EYA4: variants seen among roughly 807,000 people sequenced by gnomAD.
EYA4 encodes the protein EYA transcriptional coactivator and phosphatase 4.
In EYA4, 31 loss-of-function variants were observed where a neutral mutation model predicts 87.9. The ratio of observed to expected loss-of-function variants is 0.35; its 90% CI spans 0.27 to 0.48. The LOEUF (loss-of-function observed/expected upper bound fraction) is 0.48. Ranked by LOEUF, EYA4 falls within the 20% of genes least tolerant of loss-of-function variation. The probability of loss-of-function intolerance (pLI) is 0.99; values close to 1 mark genes in which losing one functional copy is unlikely to be tolerated. For synonymous variants in EYA4, 263 were observed against 270.6 expected, an observed-to-expected ratio of 0.97 and a Z score of 0.28; for missense variants, 678 against 761.4, an observed-to-expected ratio of 0.89 and a Z score of 1.29.
At chr6:133,449,819 A>G (rs1235871582) in intron 5 of EYA4, among the ~76,000 whole-genome samples, 1 of 152,222 alleles carries the variant, frequency 6.6e-6, no homozygotes, top group Non-Finnish European at 1.5e-5. Context: ...AAATGAAAAT[A>G]TGCATTGTGT....
chr6:133,257,255 C>T (rs962286013), intron 1 of EYA4, among the ~76,000 whole-genome samples: 7 of 151,980 alleles, frequency 4.6e-5, no homozygotes, highest in East Asian at 1.9e-4. Context: ...CCAATGAATA[C>T]GCTAGAGGCC....
intron 1 of EYA4, among the ~76,000 whole-genome samples, chr6:133,271,242 A>G: frequency 6.6e-6 from 1 of 152,146 alleles, no homozygotes; most frequent in Middle Eastern, 3.2e-3. Flanking sequence ...ATTGTCACCT[A>G]GTTGGCATTG....
At chr6:133,524,176 T>TAGAAAGAAGG (rs1800426908) in intron 18 of EYA4, among the ~76,000 whole-genome samples, 1 of 152,212 alleles carries the variant, frequency 6.6e-6, no homozygotes, top group Admixed American at 6.5e-5. Flanking sequence ...GCAGGACTAA[T>TAGAAAGAAGG]AGAAAGAAGG....
At chr6:133,461,806 G>A (rs911020505) in intron 7 of EYA4, among the ~76,000 whole-genome samples, 1 of 89,338 alleles carries the variant, frequency 1.1e-5, no homozygotes, top group Non-Finnish European at 2.4e-5. Flanking sequence ...AAGGAATGAT[G>A]TTCCTTTTTT....
intron 16 of EYA4, among the ~76,000 whole-genome samples, chr6:133,514,919 A>G (rs1382877285): frequency 6.6e-6 from 1 of 152,204 alleles, no homozygotes; most frequent in Non-Finnish European, 1.5e-5. Context: ...CAGACAGTCA[A>G]AACATTTGGG....
chr6:133,491,485 C>T (rs1797146614), intron 13 of EYA4, among the ~76,000 whole-genome samples: 1 of 152,154 alleles, frequency 6.6e-6, no homozygotes, highest in South Asian at 2.1e-4. Flanking sequence ...AACTATACTT[C>T]AGAAATTCCA....
intron 2 of EYA4, among the ~76,000 whole-genome samples, chr6:133,346,881 T>C (rs1237952631): frequency 2.0e-5 from 3 of 151,886 alleles, no homozygotes; most frequent in Non-Finnish European, 4.4e-5. Flanking sequence ...CAATTCTGCA[T>C]TTTATGGAAA....
intron 3 of EYA4, among the ~76,000 whole-genome samples, chr6:133,403,483 A>T (rs566755195): frequency 6.6e-6 from 1 of 152,206 alleles, no homozygotes; most frequent in Non-Finnish European, 1.5e-5. Context: ...CCACAGGGGG[A>T]AAAAATACAA....
chr6:133,285,399 G>T (rs1777972888), intron 2 of EYA4, among the ~76,000 whole-genome samples: 1 of 152,170 alleles, frequency 6.6e-6, no homozygotes, highest in Non-Finnish European at 1.5e-5. Flanking sequence ...TGAGGTGGTA[G>T]CATGCAGGGT....
chr6:133,368,613 T>C (rs1253041915), intron 2 of EYA4, among the ~76,000 whole-genome samples: 1 of 152,218 alleles, frequency 6.6e-6, no homozygotes, highest in African/African-American at 2.4e-5. Flanking sequence ...ATCCTAACCA[T>C]ACTAGGAACA....
chr6:133,423,349 A>T (rs1265926231), intron 3 of EYA4, among the ~76,000 whole-genome samples: 1 of 152,226 alleles, frequency 6.6e-6, no homozygotes, highest in Non-Finnish European at 1.5e-5. Flanking sequence ...CACATTTTCA[A>T]CTTTACTAGA....
intron 2 of EYA4, among the ~76,000 whole-genome samples, chr6:133,353,460 T>C (rs75421686): frequency 0.089 from 13,496 of 152,186 alleles, 761 homozygotes; most frequent in East Asian, 0.16. Flanking sequence ...ATAGATATTT[T>C]TTGAACATTT....
At chr6:133,377,508 A>G (rs191104194) in intron 2 of EYA4, among the ~76,000 whole-genome samples, 15 of 151,694 alleles carry the variant, frequency 9.9e-5, no homozygotes, top group Admixed American at 7.9e-4. Flanking sequence ...CTGAATGAGC[A>G]AATCTTGATA....
chr6:133,253,731 C>T (rs922692359), intron 1 of EYA4, among the ~76,000 whole-genome samples: 2 of 152,100 alleles, frequency 1.3e-5, no homozygotes, highest in Admixed American at 6.5e-5. Context: ...TTCCTTAAGG[C>T]TCAGGCAGAA....
At chr6:133,351,723 T>A (rs980159009) in intron 2 of EYA4, among the ~76,000 whole-genome samples, 1 of 152,206 alleles carries the variant, frequency 6.6e-6, no homozygotes, top group African/African-American at 2.4e-5. Context: ...GGAAGGGTGT[T>A]GGGTACAAGT....
chr6:133,411,253 A>G (rs1377883848), intron 3 of EYA4, among the ~76,000 whole-genome samples: 1 of 152,172 alleles, frequency 6.6e-6, no homozygotes, highest in Non-Finnish European at 1.5e-5. Flanking sequence ...GGTTATGATG[A>G]GCAAGAGACT....
chr6:133,295,536 G>T (rs936477206), intron 2 of EYA4, among the ~76,000 whole-genome samples: 1 of 152,146 alleles, frequency 6.6e-6, no homozygotes, highest in Non-Finnish European at 1.5e-5. Flanking sequence ...ATAAACCACA[G>T]TGATTATATA....
chr6:133,244,763 C>G (rs1279623792), intron 1 of EYA4, among the ~76,000 whole-genome samples: 1 of 152,000 alleles, frequency 6.6e-6, no homozygotes, highest in Non-Finnish European at 1.5e-5. Flanking sequence ...GTCTCTGTTG[C>G]AAGCTCTAAA....
At chr6:133,240,634 C>G (rs1439279722), upstream of EYA4, 1 of 152,308 alleles carries the variant, frequency 6.6e-6, no homozygotes, top group Non-Finnish European at 1.5e-5. Flanking sequence ...GGACGGATGC[C>G]TATACCTGCA....
Sources: allele counts gnomAD v4.1 joint callset (sites outside exome capture counted in the v4.1 genomes callset), GRCh38; gene constraint gnomAD v4.1.1; transcripts MANE v1.5; gene names NCBI Gene and HGNC (gene_info 2026-07-23, HGNC 2026-07-21).